Variants in PLEKHM2 observed in about 807,000 individuals in gnomAD.
PLEKHM2 encodes the protein pleckstrin homology and RUN domain containing M2.
A neutral mutation model predicts 116.3 loss-of-function variants in PLEKHM2; 77 were observed. The ratio of observed to expected loss-of-function variants is 0.66; its 90% CI spans 0.55 to 0.80. PLEKHM2 has a LOEUF of 0.80. PLEKHM2 is among the 30% of genes least tolerant of loss of function. PLEKHM2 has a pLI of 0.00. For synonymous variants in PLEKHM2, 562 were observed against 571.0 expected, an observed-to-expected ratio of 0.98 and a Z score of 0.22; for missense variants, 1,183 against 1,354.9, an observed-to-expected ratio of 0.87 and a Z score of 1.99.
chr1:15,684,313 C>G (rs1220890823), upstream of PLEKHM2: 1 of 156,960 alleles, frequency 6.4e-6, no homozygotes, highest in Non-Finnish European at 1.4e-5. Flanking sequence ...GCCGCCGCCG[C>G]CGCGGCGCAC....
chr1:15,685,541 G>GAAAAAAAAAAAAAAAAAAA (rs200301672), intron 1 of PLEKHM2, among the ~76,000 whole-genome samples: 63 of 72,846 alleles, frequency 8.6e-4, no homozygotes, highest in East Asian at 1.7e-3. Flanking sequence ...CTCAGAAACT[G>GAAAAAAAAAAAAAAAAAAA]AAAAAAAAAA....
chr1:15,732,165 G>C, intron 17 of PLEKHM2, 117 bp downstream of exon 17: 1 of 1,074,434 alleles, frequency 9.3e-7, no homozygotes, highest in Non-Finnish European at 1.3e-6. Context: ...GGACCTCCAG[G>C]GGGCAGCCCA....
chr1:15,721,755 T>G lies in PLEKHM2; in HGVS notation c.712+367T>G, dbSNP rs761588843. Among the ~76,000 whole-genome samples the G allele has an allele frequency of 6.6e-6, 1 of 152,174 alleles. No homozygotes were observed. The highest frequency in any genetic ancestry group is 2.4e-5 in the African/African-American group (1 of 41,434). On this transcript the variant is annotated intron_variant, in intron 7 of 19. Coordinates refer to ENST00000375799, the MANE Select transcript of PLEKHM2 (RefSeq NM_015164.4). The surrounding 1 kb of genome is among the most constrained non-coding windows in gnomAD (Gnocchi z 5.1). ...TTCTGGAAAACCATGCCTTTAAACA[T>G]GCGGGTTGTAAGCTCCTGCGGGTCA... is the stretch of plus-strand genomic sequence containing the variant.
At chr1:15,701,283 A>C (rs1213847893) in intron 1 of PLEKHM2, among the ~76,000 whole-genome samples, 3 of 150,620 alleles carry the variant, frequency 2.0e-5, no homozygotes, top group Non-Finnish European at 4.4e-5. Flanking sequence ...AATACAAAAA[A>C]TTAGCTGGGC....
chr1:15,732,804 T>C, intron 19 of PLEKHM2, 76 bp downstream of exon 19: 1 of 995,390 alleles, frequency 1.0e-6, no homozygotes, highest in Non-Finnish European at 1.5e-6. Flanking sequence ...GAGGAACCCC[T>C]GCTGCTCCCA....
chr1:15,688,821 G>T (rs1363852241), intron 1 of PLEKHM2, among the ~76,000 whole-genome samples: 4 of 152,118 alleles, frequency 2.6e-5, no homozygotes, highest in Non-Finnish European at 4.4e-5. Context: ...TTTTGAATCA[G>T]CATGTGGTTC....
In PLEKHM2 at chr1:15,719,944, G is replaced by A; in HGVS notation, c.652+24G>A. ...GGGTGAGTGGCCCCAGGGCAGAAAA[G>A]CTAAGCCCCTGTTGTGAAACAGACT... is the stretch of plus-strand genomic sequence containing the variant. On this transcript the variant is annotated intron_variant, in intron 6 of 19. Coordinates refer to ENST00000375799, the MANE Select transcript of PLEKHM2 (RefSeq NM_015164.4). The surrounding 1 kb of genome is among the most constrained non-coding windows in gnomAD (Gnocchi z 4.1). 1 of 1,591,182 alleles carries A rather than the reference G, an allele frequency of 6.3e-7. No individual in the cohort carries two copies. Among genetic ancestry groups the A allele is most frequent in the Non-Finnish European group, 8.6e-7 (1 of 1,164,008 alleles).
rs2068093620 is a variant in PLEKHM2 at position 15,728,310 on chromosome 1, T to G, written c.1874T>G (p.Leu625Arg). 1 of 1,613,248 alleles carries G rather than the reference T, an allele frequency of 6.2e-7. No homozygotes were observed. The highest frequency in any genetic ancestry group is 1.3e-5 in the African/African-American group (1 of 75,056). The change falls in exon 11 of 20, where the codon CTG (leucine) becomes CGG (arginine). Residue 625 changes from leucine to arginine, a missense_variant. Leu to Arg is a moderately radical substitution (Grantham distance 102). Around this residue, in one of 3 missense-constraint regions of PLEKHM2, gnomAD observed 594 missense variants for 720.1 expected, o/e 0.82. Transcript: ENST00000375799. The surrounding 1 kb of genome is among the most constrained non-coding windows in gnomAD (Gnocchi z 5.9). ...GGGCACATGGAGGGCAACCTGCAGC[T>G]GCTGTACGTGCTGCTCACAGACTGC... ...STGHMEGNLQLLYVLLTDCYV... is the reference protein window; with the variant it reads ...STGHMEGNLQRLYVLLTDCYV...
At chr1:15,686,647 A>ATTTT (rs1361252513) in intron 1 of PLEKHM2, among the ~76,000 whole-genome samples, 24,811 of 140,012 alleles carry the variant, frequency 0.18, 2,383 homozygotes, top group African/African-American at 0.23. Context: ...CACCCGGCTA[A>ATTTT]ATTTTTTTTT....
chr1:15,694,989 A>G (rs1030136018), intron 1 of PLEKHM2, among the ~76,000 whole-genome samples: 1 of 152,050 alleles, frequency 6.6e-6, no homozygotes, highest in African/African-American at 2.4e-5. Context: ...AACTTCTGAC[A>G]TCAAGTGATC....
At position 15,716,462 on chromosome 1, in the gene PLEKHM2, T is replaced by G. The variant is rs983244445; in HGVS notation, c.167+119T>G. 4.2e-6 allele frequency: 3 copies of G among 713,808 alleles called. No individual in the cohort carries two copies. In the African/African-American group the frequency reaches 5.4e-5, roughly 13 times the overall value. The allele number at this position is 713,808 out of a possible 1,614,324, so 44.2% of individuals were successfully genotyped here. On this transcript the variant is annotated intron_variant, in intron 2 of 19. Transcript: ENST00000375799. ...CTTCTCTCCCCTTGGCAGAAAGGGA[T>G]TTGTCCCACTCAAGTGGGCCACAGT... is the stretch of plus-strand genomic sequence containing the variant.
Position 15,694,031 on chromosome 1 carries a change from G to A in PLEKHM2, c.60+9413G>A, listed in dbSNP as rs1314905667. Among the ~76,000 whole-genome samples the A allele has an allele frequency of 3.3e-5, 5 of 152,124 alleles. No individual in the cohort carries two copies. In the East Asian group the frequency reaches 7.7e-4, roughly 23 times the overall value. On this transcript the variant is annotated intron_variant, in intron 1 of 19. Transcript: ENST00000375799. ...AGTAGAGCTTTTCTCATGACAGAAAGCTCTCTGGGTTGCCACCTCTGCTGA... is the reference window on the plus strand; with the variant it reads ...AGTAGAGCTTTTCTCATGACAGAAAACTCTCTGGGTTGCCACCTCTGCTGA...
chr1:15,701,430 T>C (rs993508498), intron 1 of PLEKHM2, among the ~76,000 whole-genome samples: 1 of 145,198 alleles, frequency 6.9e-6, no homozygotes, highest in African/African-American at 2.6e-5. Flanking sequence ...CACAACTCCA[T>C]CTCAAAAAAA....
chr1:15,713,820 A>G (rs1362444746), intron 1 of PLEKHM2, among the ~76,000 whole-genome samples: 1 of 151,952 alleles, frequency 6.6e-6, no homozygotes, highest in Admixed American at 6.6e-5. Context: ...CATTTTGCTT[A>G]GTAGAGACGG....
intron 14 of PLEKHM2, 103 bp downstream of exon 14, chr1:15,730,032 C>A: frequency 2.4e-6 from 1 of 416,844 alleles, no homozygotes; most frequent in Non-Finnish European, 4.0e-6. Flanking sequence ...TTTGCCATTT[C>A]ACAATCGCCT....
upstream of PLEKHM2, among the ~76,000 whole-genome samples, chr1:15,683,733 GA>G (rs1640695738): frequency 6.6e-6 from 1 of 150,780 alleles, no homozygotes; most frequent in Non-Finnish European, 1.5e-5. Context: ...GGGGTCTCCG[GA>G]GTCCCTGGAG....
chr1:15,724,455 C>T (rs2148367162), intron 7 of PLEKHM2, among the ~76,000 whole-genome samples: 1 of 151,902 alleles, frequency 6.6e-6, no homozygotes, highest in African/African-American at 2.4e-5. Flanking sequence ...TGCGCTTCAG[C>T]CTGGCGACAG....
chr1:15,733,962 G>T lies in PLEKHM2; in HGVS notation c.*28G>T, dbSNP rs750460965. The T allele has an allele frequency of 3.1e-6, 5 of 1,601,198 alleles. No individual in the cohort carries two copies. In the South Asian group the frequency reaches 4.4e-5, roughly 14 times the overall value. ...CAGAGCTGGTTGGCGTCCCTGGTGG[G>T]CAGGAAAGGAAGGCACGCCAGCCGG... On this transcript the variant is annotated 3_prime_UTR_variant, in exon 20 of 20. Transcript: ENST00000375799.
At chr1:15,711,312 A>G (rs528182905) in intron 1 of PLEKHM2, among the ~76,000 whole-genome samples, 2 of 152,220 alleles carry the variant, frequency 1.3e-5, no homozygotes, top group East Asian at 1.9e-4. Flanking sequence ...CTAAAACTAT[A>G]AAAGAAAAAA....
Sources: gnomAD v4.1 joint callset for allele counts (sites outside exome capture counted in the v4.1 genomes callset) on GRCh38, gnomAD v4.1.1 for gene constraint, gnomAD v4.1.1 regional missense constraint, Gnocchi (gnomAD v3.1) non-coding constraint, MANE v1.5 for transcripts, NCBI Gene and HGNC (gene_info 2026-07-23, HGNC 2026-07-21) for gene names.